Variants in NALF1 observed in about 807,000 individuals in gnomAD.
The protein encoded by NALF1 is NALCN channel auxiliary factor 1.
NALF1 carries 3 observed loss-of-function variants against 48.4 expected under a neutral mutation model. The ratio of observed to expected loss-of-function variants is 0.06; its 90% confidence interval spans 0.03 to 0.16. NALF1 has a LOEUF of 0.16. Ranked by LOEUF, NALF1 falls within the 10% of genes least tolerant of loss-of-function variation. The pLI is 1.00. For synonymous variants in NALF1, 262 were observed against 245.7 expected, an observed-to-expected ratio of 1.07 and a Z score of -0.62; for missense variants, 526 against 571.5, an observed-to-expected ratio of 0.92 and a Z score of 0.81.
At position 107,672,819 on chromosome 13, in the gene NALF1, A is replaced by G. The variant is rs149113666; in HGVS notation, c.915+192863T>C. ...AAAAAATTTTCCAAGGTCACTAGTGACCTGCGAACTGTGGACTTTGTTGTC... is the reference window on the plus strand; with the variant it reads ...AAAAAATTTTCCAAGGTCACTAGTGGCCTGCGAACTGTGGACTTTGTTGTC... On this transcript the variant is annotated intron_variant, in intron 1 of 2. Coordinates refer to ENST00000375915, the MANE Select transcript of NALF1 (RefSeq NM_001080396.3). Among the ~76,000 whole-genome samples the G allele has an allele frequency of 3.2e-3, 489 of 152,278 alleles. 4 individuals carry two copies. The highest frequency in any genetic ancestry group is 0.011 in the African/African-American group (457 of 41,558).
intron 1 of NALF1, among the ~76,000 whole-genome samples, chr13:107,571,190 G>T (rs767028859): frequency 1.4e-4 from 21 of 152,136 alleles, no homozygotes; most frequent in Non-Finnish European, 2.6e-4. Context: ...GGTGAGAGAA[G>T]TGTCTTTTTT....
intron 1 of NALF1, among the ~76,000 whole-genome samples, chr13:107,219,086 T>G (rs1304997104): frequency 6.6e-6 from 1 of 152,160 alleles, no homozygotes; most frequent in Non-Finnish European, 1.5e-5. Flanking sequence ...GTGACGAAGA[T>G]GGTGGGAGCT....
At chr13:107,671,254 T>TAATTA (rs1880984144) in intron 1 of NALF1, among the ~76,000 whole-genome samples, 1 of 152,040 alleles carries the variant, frequency 6.6e-6, no homozygotes, top group Non-Finnish European at 1.5e-5. Context: ...TTGGCACCAG[T>TAATTA]AAATAAATGG....
chr13:107,591,921 T>C (rs955655204), intron 1 of NALF1, among the ~76,000 whole-genome samples: 46 of 151,924 alleles, frequency 3.0e-4, no homozygotes, highest in African/African-American at 9.2e-4. Context: ...AAGTAAATAA[T>C]TGACAGTGTT....
At chr13:107,631,176 T>G (rs1428277433) in intron 1 of NALF1, among the ~76,000 whole-genome samples, 1 of 152,108 alleles carries the variant, frequency 6.6e-6, no homozygotes, top group African/African-American at 2.4e-5. Flanking sequence ...TTTTTCATTT[T>G]TAATAGAGAA....
chr13:107,860,669 T>C (rs1333840347), intron 1 of NALF1, among the ~76,000 whole-genome samples: 3 of 152,196 alleles, frequency 2.0e-5, no homozygotes, highest in Non-Finnish European at 2.9e-5. Context: ...TGCTTAGTCA[T>C]TGTGAGAGCA....
At chr13:107,856,269 G>A (rs1880438962) in intron 1 of NALF1, among the ~76,000 whole-genome samples, 1 of 152,174 alleles carries the variant, frequency 6.6e-6, no homozygotes, top group African/African-American at 2.4e-5. Context: ...AGAATTGGAT[G>A]TGGACATGAA....
At chr13:107,622,739 TA>T (rs1329730384) in intron 1 of NALF1, among the ~76,000 whole-genome samples, 4 of 152,310 alleles carry the variant, frequency 2.6e-5, no homozygotes, top group Admixed American at 2.6e-4. Flanking sequence ...CAGATTAATT[TA>T]TTTTTTATTT....
chr13:107,796,801 T>C (rs1328289795), intron 1 of NALF1, among the ~76,000 whole-genome samples: 1 of 152,190 alleles, frequency 6.6e-6, no homozygotes, highest in Non-Finnish European at 1.5e-5. Flanking sequence ...TAGGCTTACC[T>C]GAATAAAAAC....
chr13:107,400,977 T>A (rs1226811264), intron 1 of NALF1, among the ~76,000 whole-genome samples: 2 of 152,160 alleles, frequency 1.3e-5, no homozygotes, highest in African/African-American at 2.4e-5. Context: ...CTCCAAGAAC[T>A]TTGAAGCATA....
intron 1 of NALF1, among the ~76,000 whole-genome samples, chr13:107,446,521 TCCA>T (rs1884654291): frequency 6.6e-6 from 1 of 152,198 alleles, no homozygotes; most frequent in African/African-American, 2.4e-5. Flanking sequence ...CATCTTTTTA[TCCA>T]CCATTATTAT....
intron 1 of NALF1, among the ~76,000 whole-genome samples, chr13:107,669,225 A>G (rs16970892): frequency 0.047 from 7,170 of 152,206 alleles, 584 homozygotes; most frequent in African/African-American, 0.16. Context: ...ATAATTGAGA[A>G]ATGCTAGCCA....
chr13:107,645,603 T>C (rs894043436), intron 1 of NALF1, among the ~76,000 whole-genome samples: 2 of 151,044 alleles, frequency 1.3e-5, no homozygotes, highest in African/African-American at 2.4e-5. Flanking sequence ...AGAGCCTGGG[T>C]AGTTTTCTAC....
intron 1 of NALF1, among the ~76,000 whole-genome samples, chr13:107,337,910 T>C (rs748516461): frequency 1.2e-4 from 18 of 152,220 alleles, no homozygotes; most frequent in Admixed American, 2.0e-4. Flanking sequence ...AAAAGAAATA[T>C]ACATCCCTAC....
Position 107,209,764 on chromosome 13 carries a change from C to T in NALF1, c.1087+820G>A, listed in dbSNP as rs148211792. On this transcript the variant is annotated intron_variant, in intron 2 of 2. Transcript: ENST00000375915. ...TTTATCCTTACACTTGAAAACAAAA[C>T]GTGCTACAGCTTGAGCCACGTAATT... 2.3e-3 allele frequency among the ~76,000 whole-genome samples: 356 copies of T among 152,188 alleles called. 1 individual carries two copies. Among genetic ancestry groups the T allele is most frequent in the South Asian group, 0.013 (63 of 4,824 alleles).
At position 107,587,757 on chromosome 13, in the gene NALF1, CTTA is replaced by C. The variant is rs1284070585; in HGVS notation, c.915+277922_915+277924del. 9.9e-5 allele frequency among the ~76,000 whole-genome samples: 15 copies of C among 152,260 alleles called. No individual in the cohort carries two copies. The South Asian group carries it at 1.9e-3, about 19-fold the overall frequency. Reference sequence around the variant, plus strand: ...GTGATCTGAATCAACACTTGACTAACTTATTATTTTTTTATTAGATTAATTGTT... The same window carrying C: ...GTGATCTGAATCAACACTTGACTAACTTATTTTTTTATTAGATTAATTGTT... On this transcript the variant is annotated intron_variant, in intron 1 of 2. Coordinates refer to ENST00000375915, the MANE Select transcript of NALF1 (RefSeq NM_001080396.3).
chr13:107,429,503 G>C (rs1362534423), intron 1 of NALF1, among the ~76,000 whole-genome samples: 1 of 152,138 alleles, frequency 6.6e-6, no homozygotes, highest in African/African-American at 2.4e-5. Context: ...TAAAACCAGA[G>C]CATGGTGACA....
intron 1 of NALF1, among the ~76,000 whole-genome samples, chr13:107,263,644 G>A (rs1880981081): frequency 6.6e-6 from 1 of 151,990 alleles, no homozygotes. Flanking sequence ...TTCTCTCTTT[G>A]CCCGCCACCG....
At chr13:107,526,809 T>C (rs1018708971) in intron 1 of NALF1, among the ~76,000 whole-genome samples, 1 of 152,130 alleles carries the variant, frequency 6.6e-6, no homozygotes, top group African/African-American at 2.4e-5. Flanking sequence ...CTTCTGAAGA[T>C]CCTTTATGAT....
Sources: gnomAD v4.1 joint callset for allele counts (sites outside exome capture counted in the v4.1 genomes callset) on GRCh38, gnomAD v4.1.1 for gene constraint, MANE v1.5 for transcripts, NCBI Gene and HGNC (gene_info 2026-07-23, HGNC 2026-07-21) for gene names.